Variants in PCDH15 observed in about 807,000 individuals in gnomAD.
PCDH15 encodes protocadherin related 15.
PCDH15 carries 129 observed loss-of-function variants against 178.5 expected under a neutral mutation model. The ratio of observed to expected loss-of-function variants is 0.72; its 90% CI spans 0.63 to 0.84. The LOEUF (loss-of-function observed/expected upper bound fraction) is 0.84. Among genes scored for constraint, PCDH15 ranks in the 40% least tolerant of loss-of-function variants. The pLI is 0.00. For missense variants in PCDH15, 2,230 were observed against 2,099.9 expected (o/e 1.06, Z -1.21); for synonymous variants, 800 against 732.0 (o/e 1.09, Z -1.50).
chr10:54,374,736 A>T (rs11004265), intron 4 of PCDH15, among the ~76,000 whole-genome samples: 22,090 of 152,014 alleles, frequency 0.15, 1,812 homozygotes, highest in Middle Eastern at 0.22. Context: ...ATAAATGATG[A>T]CCATAAGGGA....
At chr10:55,086,389 CAAAT>C (rs1302269353) in intron 2 of PCDH15, among the ~76,000 whole-genome samples, 2 of 151,912 alleles carry the variant, frequency 1.3e-5, no homozygotes, top group Non-Finnish European at 2.9e-5. Context: ...AAGTGATAAA[CAAAT>C]CAAAAATGTA....
At chr10:54,668,137 A>T (rs1310088026) in intron 1 of PCDH15, among the ~76,000 whole-genome samples, 3 of 152,048 alleles carry the variant, frequency 2.0e-5, no homozygotes, top group Non-Finnish European at 4.4e-5. Flanking sequence ...TTATTCAACA[A>T]GTACTTATGG....
At chr10:55,192,985 CT>C (rs5785122) in intron 1 of PCDH15, among the ~76,000 whole-genome samples, 51,908 of 132,244 alleles carry the variant, frequency 0.39, 8,862 homozygotes, top group East Asian at 0.54. Flanking sequence ...TTCAAAATGG[CT>C]TTTTTTTTTT....
At chr10:54,222,474 G>A (rs553264678) in intron 9 of PCDH15, among the ~76,000 whole-genome samples, 1 of 152,242 alleles carries the variant, frequency 6.6e-6, no homozygotes, top group African/African-American at 2.4e-5. Context: ...TCAGTATAAA[G>A]CATTAGAGAT....
chr10:54,023,863 C>T (rs74136914), intron 18 of PCDH15, among the ~76,000 whole-genome samples: 18,134 of 151,258 alleles, frequency 0.12, 2,200 homozygotes, highest in African/African-American at 0.3. Flanking sequence ...CTCAGTGTCC[C>T]AGTTCTTAAC....
intron 9 of PCDH15, among the ~76,000 whole-genome samples, chr10:54,215,923 G>C (rs1262380784): frequency 6.6e-6 from 1 of 151,096 alleles, no homozygotes; most frequent in African/African-American, 2.4e-5. Context: ...GGCGCCTGTA[G>C]TCCCAGCTAC....
intron 17 of PCDH15, among the ~76,000 whole-genome samples, chr10:54,068,595 A>G (rs1315866494): frequency 6.6e-6 from 1 of 152,190 alleles, no homozygotes; most frequent in African/African-American, 2.4e-5. Context: ...TTTCTAGAAC[A>G]TAAATAACAC....
chr10:54,860,249 G>A (rs1006265877), intron 3 of PCDH15, among the ~76,000 whole-genome samples: 3 of 152,094 alleles, frequency 2.0e-5, no homozygotes, highest in Admixed American at 6.6e-5. Flanking sequence ...CTATCACCCA[G>A]GTAGTGAGCA....
chr10:54,384,325 C>A (rs1292652246), intron 3 of PCDH15, among the ~76,000 whole-genome samples: 4 of 39,614 alleles, frequency 1.0e-4, no homozygotes, highest in Non-Finnish European at 2.6e-4. Context: ...AGATCCCCCC[C>A]CTTTTTTTTT....
chr10:55,355,029 TTTCA>T (rs1259851208), intron 2 of PCDH15, among the ~76,000 whole-genome samples: 1 of 152,066 alleles, frequency 6.6e-6, no homozygotes, highest in Non-Finnish European at 1.5e-5. Context: ...GACTGTCTTA[TTTCA>T]TTTAGGAGAA....
rs142203048 is a variant in PCDH15 at position 55,398,420 on chromosome 10, G to T, written c.-156+229205C>A. Among the ~76,000 whole-genome samples the T allele has an allele frequency of 3.7e-3, 568 of 152,180 alleles. 4 individuals carry two copies. Among genetic ancestry groups the T allele is most frequent in the African/African-American group, 0.011 (472 of 41,534 alleles). ...TCCTGATCAGTTACCCATGATAAAT[G>T]GAATATGAAAAGTATTAAGTTCTAT... On this transcript the variant is annotated intron_variant, in intron 2 of 5. Coordinates refer to the PCDH15 transcript ENST00000613346.
chr10:55,191,855 CT>C (rs1035693546), intron 1 of PCDH15, among the ~76,000 whole-genome samples: 2 of 151,870 alleles, frequency 1.3e-5, no homozygotes, highest in Admixed American at 6.6e-5. Flanking sequence ...TCATACGGCA[CT>C]TTTTTTCTTT....
At chr10:54,458,863 A>G (rs1435274631) in intron 3 of PCDH15, among the ~76,000 whole-genome samples, 4 of 152,158 alleles carry the variant, frequency 2.6e-5, no homozygotes, top group African/African-American at 7.2e-5. Flanking sequence ...TTTCAGTATC[A>G]TAAGTTTCAT....
At chr10:55,561,440 A>T (rs2132099316) in intron 2 of PCDH15, among the ~76,000 whole-genome samples, 1 of 152,066 alleles carries the variant, frequency 6.6e-6, no homozygotes, top group Admixed American at 6.6e-5. Flanking sequence ...GTCTGTATTT[A>T]AACTTTTGAA....
chr10:53,843,118 C>G (rs1001284400), intron 28 of PCDH15, among the ~76,000 whole-genome samples: 21 of 152,218 alleles, frequency 1.4e-4, no homozygotes, highest in African/African-American at 4.6e-4. Context: ...AGTCTAAAAA[C>G]AAATTATGTC....
intron 1 of PCDH15, among the ~76,000 whole-genome samples, chr10:55,207,883 C>T (rs879681164): frequency 1.3e-5 from 2 of 152,078 alleles, no homozygotes; most frequent in Admixed American, 6.5e-5. Flanking sequence ...TCAGGAGAAT[C>T]ACTTGAACCT....
At chr10:55,249,392 G>C (rs1308011290) in intron 1 of PCDH15, among the ~76,000 whole-genome samples, 1 of 152,056 alleles carries the variant, frequency 6.6e-6, no homozygotes, top group East Asian at 1.9e-4. Flanking sequence ...ACAACATGCT[G>C]TTCATCTACC....
At chr10:55,421,400 TTAATA>T (rs1335743634) in intron 2 of PCDH15, among the ~76,000 whole-genome samples, 1 of 143,898 alleles carries the variant, frequency 6.9e-6, no homozygotes, top group Non-Finnish European at 1.5e-5. Flanking sequence ...TGCGTAAATT[TTAATA>T]TATTTATTCA....
At chr10:54,055,525 C>T (rs1309213935) in intron 18 of PCDH15, among the ~76,000 whole-genome samples, 1 of 152,064 alleles carries the variant, frequency 6.6e-6, no homozygotes, top group Non-Finnish European at 1.5e-5. Flanking sequence ...CATTTATGCC[C>T]AGGGTTGCTA....
Sources: gnomAD v4.1 joint callset for allele counts (sites outside exome capture counted in the v4.1 genomes callset) on GRCh38, gnomAD v4.1.1 for gene constraint, MANE v1.5 for transcripts, NCBI Gene and HGNC (gene_info 2026-07-23, HGNC 2026-07-21) for gene names.